The following CAMK2D variants were observed in gnomAD, a reference collection of about 807,000 sequenced individuals.
CAMK2D encodes the protein calcium/calmodulin dependent protein kinase II delta.
In CAMK2D, 37 loss-of-function variants were observed where a neutral mutation model predicts 84.0. The observed-to-expected ratio is 0.44, with a 90% CI of 0.34 to 0.58. The LOEUF (loss-of-function observed/expected upper bound fraction) is 0.58. Among genes scored for constraint, CAMK2D ranks in the 20% least tolerant of loss-of-function variants. The probability of loss-of-function intolerance (pLI) is 0.02; values close to 1 mark genes in which losing one functional copy is unlikely to be tolerated. For synonymous variants in CAMK2D, 202 were observed against 212.5 expected (o/e 0.95, Z 0.43); for missense variants, 448 against 652.5 (o/e 0.69, Z 3.41).
chr4:113,542,751 T>TC (rs2098539369), intron 6 of CAMK2D, among the ~76,000 whole-genome samples: 1 of 151,684 alleles, frequency 6.6e-6, no homozygotes, highest in African/African-American at 2.4e-5. Flanking sequence ...ACTTCTCATC[T>TC]CCCCCCTTCC....
At chr4:113,589,249 G>A (rs2098847899) in intron 4 of CAMK2D, among the ~76,000 whole-genome samples, 1 of 152,124 alleles carries the variant, frequency 6.6e-6, no homozygotes, top group Non-Finnish European at 1.5e-5. Flanking sequence ...ACTATATGAA[G>A]GTGAGGGTAG....
chr4:113,546,397 G>C (rs1234120443), intron 6 of CAMK2D, among the ~76,000 whole-genome samples: 1 of 152,128 alleles, frequency 6.6e-6, no homozygotes, highest in Non-Finnish European at 1.5e-5. Flanking sequence ...TCCGATCTTG[G>C]CTCTTCAGAA....
At chr4:113,643,146 C>G (rs1165020610) in intron 3 of CAMK2D, among the ~76,000 whole-genome samples, 5 of 152,208 alleles carry the variant, frequency 3.3e-5, no homozygotes, top group Non-Finnish European at 5.9e-5. Context: ...AACTGAAAGT[C>G]TTTCCTGGAA....
intron 16 of CAMK2D, among the ~76,000 whole-genome samples, chr4:113,472,115 T>C (rs771028845): frequency 6.6e-5 from 10 of 152,238 alleles, no homozygotes; most frequent in Non-Finnish European, 8.8e-5. Flanking sequence ...CCAGCTACTT[T>C]ACGTTACTTT....
At chr4:113,503,406 T>C in intron 14 of CAMK2D, 1 of 431,496 alleles carries the variant, frequency 2.3e-6, no homozygotes, top group Non-Finnish European at 4.5e-6. Flanking sequence ...TTTTCAGTTA[T>C]ATTGGTTTGA....
chr4:113,479,178 A>G (rs2097668313), intron 16 of CAMK2D, among the ~76,000 whole-genome samples: 1 of 152,210 alleles, frequency 6.6e-6, no homozygotes, highest in Admixed American at 6.5e-5. Flanking sequence ...AAGGGACATT[A>G]TATGTTATCG....
In CAMK2D at chr4:113,754,210, T is replaced by A. The variant is rs915051764; in HGVS notation, c.160+5110A>T. On this transcript the variant is annotated intron_variant, in intron 2 of 20. Coordinates refer to ENST00000511664, the MANE Select transcript of CAMK2D (RefSeq NM_001321571.2). ...CTTTAACACAGCCTCTATATAATCA[T>A]TAATTGCCAATGATTTATTAAAACA... The A allele has an allele frequency of 8.3e-6, 8 of 969,606 alleles. No individual in the cohort carries two copies. The East Asian group carries it at 9.1e-4, about 111-fold the overall frequency. The allele number at this position is 969,606 out of a possible 1,614,324, so 60.1% of individuals were successfully genotyped here.
Position 113,676,498 on chromosome 4 carries a change from C to A in CAMK2D, c.161-14726G>T, listed in dbSNP as rs2099318880. Among the ~76,000 whole-genome samples the A allele has an allele frequency of 2.0e-5, 3 of 152,268 alleles. No homozygotes were observed. The South Asian group carries it at 6.2e-4, about 32-fold the overall frequency. Reference sequence around the variant, plus strand: ...AAGTCACTTTATTTACTTTGCTCCACACAACTCTATGCACTCTTTGACCCT... The same window carrying A: ...AAGTCACTTTATTTACTTTGCTCCAAACAACTCTATGCACTCTTTGACCCT... On this transcript the variant is annotated intron_variant, in intron 2 of 20. Coordinates refer to ENST00000511664, the MANE Select transcript of CAMK2D (RefSeq NM_001321571.2).
chr4:113,454,093 A>AG lies in CAMK2D; in HGVS notation c.*451_*452insC, dbSNP rs2097276932. On this transcript the variant is annotated 3_prime_UTR_variant, in exon 21 of 21. Transcript: ENST00000511664. Reference sequence around the variant, plus strand: ...TGTATTTTTTTTTTACCTTAAAAAAAAAAAAAAAAACCAAACAAACCAAAA... The same window carrying AG: ...TGTATTTTTTTTTTACCTTAAAAAAAGAAAAAAAAAACCAAACAAACCAAAA... The AG allele has an allele frequency of 6.6e-6, 1 of 152,470 alleles. No homozygotes were observed. Among genetic ancestry groups the AG allele is most frequent in the Non-Finnish European group, 1.5e-5 (1 of 68,454 alleles). 9.4% of individuals were successfully genotyped at this position (152,470 alleles called of 1,614,324 possible).
At chr4:113,731,681 G>A (rs2099569371) in intron 2 of CAMK2D, among the ~76,000 whole-genome samples, 1 of 151,466 alleles carries the variant, frequency 6.6e-6, no homozygotes, top group Admixed American at 6.6e-5. Context: ...CGCCTCCCGG[G>A]TTCGAGTGAT....
At chr4:113,572,803 C>G (rs914550130) in intron 4 of CAMK2D, among the ~76,000 whole-genome samples, 1 of 152,090 alleles carries the variant, frequency 6.6e-6, no homozygotes, top group African/African-American at 2.4e-5. Context: ...AAATGCCCAT[C>G]AATGACAGAC....
chr4:113,474,350 A>G (rs1352960119), intron 16 of CAMK2D, among the ~76,000 whole-genome samples: 1 of 152,202 alleles, frequency 6.6e-6, no homozygotes, highest in African/African-American at 2.4e-5. Context: ...TGTTCTAAGC[A>G]TTCTCTAAGG....
At chr4:113,635,091 A>C (rs1210082809) in intron 3 of CAMK2D, among the ~76,000 whole-genome samples, 3 of 152,230 alleles carry the variant, frequency 2.0e-5, no homozygotes, top group East Asian at 1.9e-4. Flanking sequence ...TAAAGATATA[A>C]TTGATTGCTA....
At chr4:113,672,310 A>G (rs1011973) in intron 2 of CAMK2D, among the ~76,000 whole-genome samples, 87,146 of 151,938 alleles carry the variant, frequency 0.57, 26,192 homozygotes, top group East Asian at 0.8. Context: ...GCCAAGAATG[A>G]CAAAAAAGCA....
At chr4:113,594,515 G>GA (rs1282658005) in intron 4 of CAMK2D, among the ~76,000 whole-genome samples, 3 of 152,106 alleles carry the variant, frequency 2.0e-5, no homozygotes, top group African/African-American at 4.8e-5. Context: ...GGCTTTAATG[G>GA]AAAAAATAAG....
At chr4:113,695,363 T>G (rs989425522) in intron 2 of CAMK2D, among the ~76,000 whole-genome samples, 1 of 152,106 alleles carries the variant, frequency 6.6e-6, no homozygotes, top group Non-Finnish European at 1.5e-5. Context: ...ACCTCTCTAC[T>G]CCTCCCCTGA....
chr4:113,653,641 T>C (rs1386813936), intron 3 of CAMK2D, among the ~76,000 whole-genome samples: 1 of 152,088 alleles, frequency 6.6e-6, no homozygotes, highest in Non-Finnish European at 1.5e-5. Flanking sequence ...GTTTTCTCAG[T>C]AGATCAATTA....
chr4:113,710,480 A>G (rs2099488742), intron 2 of CAMK2D, among the ~76,000 whole-genome samples: 1 of 152,178 alleles, frequency 6.6e-6, no homozygotes, highest in Non-Finnish European at 1.5e-5. Flanking sequence ...CACACCTGGA[A>G]CTACTGTTCA....
intron 8 of CAMK2D, 59 bp downstream of exon 8, chr4:113,531,157 A>G: frequency 1.2e-6 from 1 of 842,688 alleles, no homozygotes; most frequent in Non-Finnish European, 2.1e-6. Context: ...GTTATAGCAG[A>G]CCAAATGGAC....
Sources: allele counts gnomAD v4.1 joint callset (sites outside exome capture counted in the v4.1 genomes callset), GRCh38; gene constraint gnomAD v4.1.1; transcripts MANE v1.5; gene names NCBI Gene and HGNC (gene_info 2026-07-23, HGNC 2026-07-21).